The following NLK variants were observed in gnomAD, a reference collection of about 807,000 sequenced individuals.
NLK encodes serine/threonine-protein kinase NLK.
A neutral mutation model predicts 59.0 loss-of-function variants in NLK; 11 were observed. That is an observed-to-expected ratio of 0.19 (90% confidence interval 0.12 to 0.31). NLK has a LOEUF of 0.31. Ranked by LOEUF, NLK falls within the 10% of genes least tolerant of loss-of-function variation. NLK has a pLI of 1.00. For missense variants in NLK, 410 were observed against 661.1 expected (o/e 0.62, Z 4.16); for synonymous variants, 235 against 235.9 (o/e 1.00, Z 0.03).
chr17:28,050,966 G>A (rs1419341310), intron 1 of NLK, among the ~76,000 whole-genome samples: 2 of 151,668 alleles, frequency 1.3e-5, no homozygotes, highest in African/African-American at 4.8e-5. Flanking sequence ...AAAAAAATTA[G>A]CCTGGTGTGG....
intron 1 of NLK, among the ~76,000 whole-genome samples, chr17:28,116,586 CAA>C (rs998042513): frequency 3.3e-5 from 5 of 152,144 alleles, no homozygotes; most frequent in African/African-American, 1.2e-4. Context: ...CAATTCAGAA[CAA>C]AGTTTTCTTT....
the NLK span, among the ~76,000 whole-genome samples, chr17:28,202,027 A>T: frequency 6.6e-6 from 1 of 152,142 alleles, no homozygotes; most frequent in African/African-American, 2.4e-5. Flanking sequence ...AAAGGAAAAA[A>T]AAAGCAAATG....
intron 3 of NLK, among the ~76,000 whole-genome samples, chr17:28,159,535 CTCT>C (rs1284647809): frequency 1.3e-5 from 2 of 152,144 alleles, no homozygotes; most frequent in African/African-American, 4.8e-5. Context: ...CATTATTTAA[CTCT>C]TCATCATTTT....
downstream of NLK, among the ~76,000 whole-genome samples, chr17:28,198,519 T>C (rs910401439): frequency 6.6e-6 from 1 of 152,126 alleles, no homozygotes; most frequent in Non-Finnish European, 1.5e-5. Flanking sequence ...AAGATAGGGT[T>C]CCACCATGTT....
chr17:28,051,841 T>C (rs1472833219), intron 1 of NLK, among the ~76,000 whole-genome samples: 1 of 152,114 alleles, frequency 6.6e-6, no homozygotes, highest in African/African-American at 2.4e-5. Context: ...TAAAATGATA[T>C]TAATATTTGT....
At position 28,067,196 on chromosome 17, in the gene NLK, G is replaced by A. The variant is rs564161247; in HGVS notation, c.458+23865G>A. ...TGACCCAGGTCATGAAGAATTCTGC[G>A]TTTTCTTCTAAAAGTTGTATAGTTT... On this transcript the variant is annotated intron_variant, in intron 1 of 10. Transcript: ENST00000407008. 1.3e-3 allele frequency among the ~76,000 whole-genome samples: 197 copies of A among 152,160 alleles called. 1 individual carries two copies. The highest frequency in any genetic ancestry group is 4.2e-3 in the African/African-American group (174 of 41,516).
the NLK span, among the ~76,000 whole-genome samples, chr17:28,202,711 C>T: frequency 2.1e-5 from 3 of 141,080 alleles, no homozygotes; most frequent in African/African-American, 5.3e-5. Context: ...TTGAGACAGG[C>T]GCGCACTGTC....
chr17:28,048,330 G>T, intron 1 of NLK: 1 of 180,428 alleles, frequency 5.5e-6, no homozygotes. Flanking sequence ...AAATAAACTT[G>T]TTTTATTCTT....
intron 1 of NLK, chr17:28,048,064 A>C: frequency 2.5e-6 from 1 of 397,816 alleles, no homozygotes; most frequent in Non-Finnish European, 4.4e-6. Flanking sequence ...TCTTCTAGAC[A>C]TAACAAAGCA....
rs531781657 is a variant in NLK at position 28,055,393 on chromosome 17, A to AT, written c.458+12074dup. On this transcript the variant is annotated intron_variant, in intron 1 of 10. Transcript: ENST00000407008. ...GGCATGAGCCACCTTGCCAGGTTGG[A>AT]TTTTTTTTTTTTAGTATAGTGGTGC... Among the ~76,000 whole-genome samples, 398 of 144,868 alleles carry AT rather than the reference A, an allele frequency of 2.7e-3. 2 individuals are homozygous for AT. Among genetic ancestry groups the AT allele is most frequent in the East Asian group, 0.024 (117 of 4,950 alleles).
At chr17:28,151,408 G>A (rs1159878470) in intron 3 of NLK, among the ~76,000 whole-genome samples, 1 of 152,080 alleles carries the variant, frequency 6.6e-6, no homozygotes, top group African/African-American at 2.4e-5. Flanking sequence ...TTGTCTCATT[G>A]TTTTCTATAA....
At chr17:28,079,217 A>G (rs1194857749) in intron 1 of NLK, among the ~76,000 whole-genome samples, 1 of 152,170 alleles carries the variant, frequency 6.6e-6, no homozygotes, top group African/African-American at 2.4e-5. Flanking sequence ...TCCTTTTTTA[A>G]GGCTGAATAA....
chr17:28,134,281 G>A (rs1225396789), intron 3 of NLK, among the ~76,000 whole-genome samples: 1 of 151,776 alleles, frequency 6.6e-6, no homozygotes, highest in Admixed American at 6.6e-5. Context: ...CATGCCTGTA[G>A]TCCCAGCCAC....
intron 6 of NLK, among the ~76,000 whole-genome samples, chr17:28,171,009 A>C (rs1908439653): frequency 2.0e-5 from 3 of 152,206 alleles, no homozygotes; most frequent in Admixed American, 6.5e-5. Flanking sequence ...TTGAGATTTA[A>C]TTACCCTGGT....
chr17:28,080,911 A>T (rs545252613), intron 1 of NLK, among the ~76,000 whole-genome samples: 3 of 152,096 alleles, frequency 2.0e-5, no homozygotes. Flanking sequence ...TTTTTTTGAG[A>T]CAGGGTGTTG....
chr17:28,051,363 A>AT (rs769693760), intron 1 of NLK, among the ~76,000 whole-genome samples: 2,067 of 141,768 alleles, frequency 0.015, 46 homozygotes, highest in African/African-American at 0.041. Context: ...CTTGGGAAGG[A>AT]TTTTTTTTTT....
chr17:28,175,789 A>G (rs1908654912), intron 7 of NLK, among the ~76,000 whole-genome samples: 1 of 152,230 alleles, frequency 6.6e-6, no homozygotes, highest in African/African-American at 2.4e-5. Flanking sequence ...AATAGCAGAT[A>G]AAGCTTGTGA....
intron 1 of NLK, among the ~76,000 whole-genome samples, chr17:28,113,978 A>T (rs1172594629): frequency 6.6e-6 from 1 of 152,114 alleles, no homozygotes; most frequent in Non-Finnish European, 1.5e-5. Context: ...TGGAAATGGT[A>T]TCTTGTAGTG....
At chr17:28,071,259 T>TAAA (rs1192037329) in intron 1 of NLK, among the ~76,000 whole-genome samples, 1 of 152,212 alleles carries the variant, frequency 6.6e-6, no homozygotes, top group Non-Finnish European at 1.5e-5. Flanking sequence ...TAATTCAAGA[T>TAAA]TATTTTGGCT....
Sources: gnomAD v4.1 joint callset for allele counts (sites outside exome capture counted in the v4.1 genomes callset) on GRCh38, gnomAD v4.1.1 for gene constraint, MANE v1.5 for transcripts, NCBI Gene and HGNC (gene_info 2026-07-23, HGNC 2026-07-21) for gene names.